Variants in FBXL5 observed in about 807,000 individuals in gnomAD.
FBXL5 encodes F-box and leucine rich repeat protein 5, also known as F-box/LRR-repeat protein 5.
Under a neutral mutation model 78.3 loss-of-function variants are expected in FBXL5, and 26 were observed. The ratio of observed to expected loss-of-function variants is 0.33; its 90% CI spans 0.24 to 0.46. The LOEUF is 0.46. Ranked by LOEUF, FBXL5 falls within the 20% of genes least tolerant of loss-of-function variation. The pLI, the probability that FBXL5 is intolerant of heterozygous loss-of-function variation, is 1.00. For synonymous variants in FBXL5, 295 were observed against 282.5 expected, an observed-to-expected ratio of 1.04 and a Z score of -0.45; for missense variants, 710 against 829.2, an observed-to-expected ratio of 0.86 and a Z score of 1.77.
At chr4:15,668,049 A>AT (rs1717619817) in intron 1 of FBXL5, among the ~76,000 whole-genome samples, 1 of 152,032 alleles carries the variant, frequency 6.6e-6, no homozygotes, top group Non-Finnish European at 1.5e-5. Context: ...CTCTAAAAAA[A>AT]AAAAAAAACA....
chr4:15,626,970 A>AT lies in FBXL5; in HGVS notation c.1042-16dup. ...ATCTGCCTAACCTAAAAGGCAAGAA[A>AT]TTGTCACTGTAAAGATCTGCAGAAC... On this transcript the variant is annotated splice_polypyrimidine_tract_variant and intron_variant, in intron 7 of 10. Transcript: ENST00000341285. 6.4e-7 allele frequency: 1 copy of AT among 1,571,914 alleles called. No individual in the cohort carries two copies. The highest frequency in any genetic ancestry group is 1.7e-4 in the Middle Eastern group (1 of 5,968).
At position 15,625,603 on chromosome 4, in the gene FBXL5, T is replaced by C. The variant is rs758196626; in HGVS notation, c.1499A>G (p.Asn500Ser). 4 of 1,614,194 alleles carry C rather than the reference T, an allele frequency of 2.5e-6. No homozygotes were observed. The Admixed American group carries it at 6.7e-5, about 27-fold the overall frequency. ...TTCCATTACACAAAGACTTTCAACA[T>C]TTCTATGTCTCCATTCCACAGTATC... Reference protein sequence around the residue: ...IEDTVEWRHRNVESLCVMETA... With the variant: ...IEDTVEWRHRSVESLCVMETA... Residue 500 changes from asparagine to serine, a missense_variant, in exon 9 of 11, where the codon AAT becomes AGT. By Grantham distance (46) the Asn-to-Ser change is conservative. This residue lies in a region of FBXL5 where 517 missense variants were observed against 542.9 expected (regional missense o/e 0.95). Transcript: ENST00000341285.
At chr4:15,614,781 G>C (rs746862401) in intron 9 of FBXL5, among the ~76,000 whole-genome samples, 6 of 152,124 alleles carry the variant, frequency 3.9e-5, no homozygotes, top group Non-Finnish European at 7.4e-5. Context: ...CTTGCTCTCA[G>C]CACCTCCTCT....
At position 15,617,359 on chromosome 4, in the gene FBXL5, C is replaced by T. The variant is rs941835805; in HGVS notation, c.1851-4945G>A. Among the ~76,000 whole-genome samples the T allele has an allele frequency of 7.3e-5, 11 of 151,442 alleles. 1 individual carries two copies. Among genetic ancestry groups the T allele is most frequent in the Admixed American group, 3.3e-4 (5 of 15,210 alleles). Reference sequence around the variant, plus strand: ...GAGTTCTGGACCAGACTGGGCAACACGGTGAAACTCCATCTCTACTAAAAA... The same window carrying T: ...GAGTTCTGGACCAGACTGGGCAACATGGTGAAACTCCATCTCTACTAAAAA... On this transcript the variant is annotated intron_variant, in intron 9 of 10. Coordinates refer to ENST00000341285, the MANE Select transcript of FBXL5 (RefSeq NM_012161.4).
At chr4:15,613,702 T>C (rs1429200621) in intron 9 of FBXL5, among the ~76,000 whole-genome samples, 1 of 152,110 alleles carries the variant, frequency 6.6e-6, no homozygotes, top group Non-Finnish European at 1.5e-5. Context: ...TTCTTTCTTT[T>C]GTTTGTTCAA....
intron 5 of FBXL5, among the ~76,000 whole-genome samples, chr4:15,634,333 C>G (rs767251700): frequency 5.7e-4 from 87 of 151,438 alleles, no homozygotes; most frequent in Non-Finnish European, 4.1e-4. Flanking sequence ...GGATTACAGG[C>G]ATGTGCCACC....
At chr4:15,627,549 T>C (rs1026681834) in intron 7 of FBXL5, among the ~76,000 whole-genome samples, 5 of 152,320 alleles carry the variant, frequency 3.3e-5, no homozygotes, top group African/African-American at 1.2e-4. Context: ...TGATTTCATC[T>C]CATTTGCCCA....
intron 9 of FBXL5, among the ~76,000 whole-genome samples, chr4:15,616,685 A>G (rs968813529): frequency 2.6e-5 from 4 of 152,208 alleles, no homozygotes; most frequent in African/African-American, 9.7e-5. Flanking sequence ...CTGCAAGAAA[A>G]AGTCAGAAAT....
At position 15,638,698 on chromosome 4, in the gene FBXL5, AAT is replaced by A. The variant is rs1491377935; in HGVS notation, c.397-6_397-5del. 10 of 1,539,656 alleles carry A rather than the reference AAT, an allele frequency of 6.5e-6. No homozygotes were observed. The highest frequency in any genetic ancestry group is 8.8e-6 in the Non-Finnish European group (10 of 1,135,282). On this transcript the variant is annotated splice_region_variant and splice_polypyrimidine_tract_variant and intron_variant, in intron 3 of 10. Transcript: ENST00000341285. ...CCATTAACATGGGCTGAAAAACCTA[AAT>A]TAAACAAAATATTCACGAGGAAAGA...
At chr4:15,662,619 G>C (rs1717365111), upstream of FBXL5, among the ~76,000 whole-genome samples, 1 of 152,174 alleles carries the variant, frequency 6.6e-6, no homozygotes, top group Admixed American at 6.5e-5. Context: ...TAATTCAAGT[G>C]AGCCTCTCGT....
At chr4:15,639,273 G>A (rs1026975073) in intron 3 of FBXL5, among the ~76,000 whole-genome samples, 4 of 152,198 alleles carry the variant, frequency 2.6e-5, no homozygotes, top group Non-Finnish European at 4.4e-5. Flanking sequence ...TCCCTTTATA[G>A]AATTTGTCAC....
intron 9 of FBXL5, among the ~76,000 whole-genome samples, chr4:15,624,685 C>A (rs1712838806): frequency 6.6e-6 from 1 of 151,520 alleles, no homozygotes; most frequent in Non-Finnish European, 1.5e-5. Flanking sequence ...AGAACTTCTT[C>A]CACATGTTCT....
At chr4:15,665,206 A>G (rs562118437) in intron 1 of FBXL5, among the ~76,000 whole-genome samples, 20 of 152,274 alleles carry the variant, frequency 1.3e-4, no homozygotes, top group African/African-American at 4.3e-4. Flanking sequence ...TATTTGTGAC[A>G]TATTGTTAAA....
At chr4:15,648,482 G>A (rs975004243) in intron 1 of FBXL5, among the ~76,000 whole-genome samples, 1 of 152,212 alleles carries the variant, frequency 6.6e-6, no homozygotes, top group East Asian at 1.9e-4. Context: ...GAGCCAACCT[G>A]AGTGCTTGTC....
chr4:15,652,714 G>A (rs1716253617), intron 1 of FBXL5, among the ~76,000 whole-genome samples: 1 of 152,098 alleles, frequency 6.6e-6, no homozygotes, highest in East Asian at 1.9e-4. Flanking sequence ...GTAAATAAAT[G>A]GATGCTTCTA....
At chr4:15,626,677 G>A (rs1713097453) in intron 8 of FBXL5, among the ~76,000 whole-genome samples, 196 bp downstream of exon 8, 1 of 152,202 alleles carries the variant, frequency 6.6e-6, no homozygotes, top group Admixed American at 6.5e-5. Flanking sequence ...GAGATTGCAA[G>A]ATAATACAGA....
chr4:15,658,128 G>A (rs1717104444), upstream of FBXL5, among the ~76,000 whole-genome samples: 1 of 152,238 alleles, frequency 6.6e-6, no homozygotes, highest in South Asian at 2.1e-4. Context: ...CCTGGAAAGG[G>A]TTATTGGCCA....
At chr4:15,629,788 T>C (rs1296279323) in intron 6 of FBXL5, among the ~76,000 whole-genome samples, 1 of 152,190 alleles carries the variant, frequency 6.6e-6, no homozygotes, top group South Asian at 2.1e-4. Context: ...ACAATCTTTA[T>C]ACTTACACTG....
chr4:15,634,426 G>A (rs111954606), intron 5 of FBXL5, among the ~76,000 whole-genome samples: 3,426 of 151,486 alleles, frequency 0.023, 57 homozygotes, highest in Middle Eastern at 0.051. Flanking sequence ...GAGTGCAATG[G>A]CACATCTCAG....
Sources: allele counts gnomAD v4.1 joint callset (sites outside exome capture counted in the v4.1 genomes callset), GRCh38; gene constraint gnomAD v4.1.1; regional missense constraint gnomAD v4.1.1; transcripts MANE v1.5; gene names NCBI Gene and HGNC (gene_info 2026-07-23, HGNC 2026-07-21).